B3GALT1: variants seen among roughly 807,000 people sequenced by gnomAD.
B3GALT1 encodes UDP-Gal:betaGlcNAc beta 1,3-galactosyltransferase, polypeptide 1.
In B3GALT1, 10 loss-of-function variants were observed where a neutral mutation model predicts 23.2. The ratio of observed to expected loss-of-function variants is 0.43; its 90% CI spans 0.27 to 0.73. The LOEUF (loss-of-function observed/expected upper bound fraction) is 0.73. Among genes scored for constraint, B3GALT1 ranks in the 30% least tolerant of loss-of-function variants. The probability of loss-of-function intolerance (pLI) is 0.21; values close to 1 mark genes in which losing one functional copy is unlikely to be tolerated. For missense variants in B3GALT1, 299 were observed against 405.4 expected (o/e 0.74, Z 2.25); for synonymous variants, 156 against 141.5 (o/e 1.10, Z -0.73).
intron 4 of B3GALT1, among the ~76,000 whole-genome samples, chr2:167,826,365 G>A (rs1689225695): frequency 6.6e-6 from 1 of 152,190 alleles, no homozygotes; most frequent in Admixed American, 6.5e-5. Context: ...TTTGGTCCCT[G>A]ATCTCTCTTG....
At chr2:167,567,262 G>A (rs190784737) in intron 2 of B3GALT1, among the ~76,000 whole-genome samples, 83 of 152,262 alleles carry the variant, frequency 5.5e-4, no homozygotes, top group Admixed American at 7.8e-4. Flanking sequence ...TAATCTGCAA[G>A]AATGTAGATG....
intron 4 of B3GALT1, among the ~76,000 whole-genome samples, chr2:167,853,812 T>C (rs1427356350): frequency 1.3e-5 from 2 of 152,092 alleles, no homozygotes; most frequent in Non-Finnish European, 2.9e-5. Context: ...GTGGCCTACT[T>C]TAAAATGAAG....
At chr2:167,434,645 A>G (rs1306211579) in intron 1 of B3GALT1, among the ~76,000 whole-genome samples, 1 of 151,708 alleles carries the variant, frequency 6.6e-6, no homozygotes, top group Non-Finnish European at 1.5e-5. Context: ...TCAAATCAGC[A>G]TTCCAAATGT....
chr2:167,520,707 T>C (rs556929275), intron 2 of B3GALT1, among the ~76,000 whole-genome samples: 88 of 152,332 alleles, frequency 5.8e-4, no homozygotes, highest in Non-Finnish European at 9.6e-4. Context: ...AGGATCATAC[T>C]GGTAAAGCTA....
At chr2:167,793,190 G>A (rs1024960411) in intron 3 of B3GALT1, among the ~76,000 whole-genome samples, 1 of 152,134 alleles carries the variant, frequency 6.6e-6, no homozygotes, top group Non-Finnish European at 1.5e-5. Context: ...CGCAGGCACA[G>A]GATAGTGCCC....
At position 167,807,990 on chromosome 2, in the gene B3GALT1, A is replaced by T. The variant is rs551950058; in HGVS notation, c.-351-10682A>T. On this transcript the variant is annotated intron_variant, in intron 3 of 4. Coordinates refer to ENST00000392690, the MANE Select transcript of B3GALT1 (RefSeq NM_020981.4). The stretch of plus-strand genomic sequence containing the variant: ...GCTTTATGAATCTGGGTGCTCCTGT[A>T]TTGGGTGCATATATATTTAGGATAG... Among the ~76,000 whole-genome samples the T allele has an allele frequency of 7.2e-5, 11 of 152,188 alleles. No homozygotes were observed. In the South Asian group the frequency reaches 2.3e-3, roughly 32 times the overall value.
chr2:167,584,375 C>G (rs1185129720), intron 2 of B3GALT1, among the ~76,000 whole-genome samples: 1 of 152,154 alleles, frequency 6.6e-6, no homozygotes, highest in Non-Finnish European at 1.5e-5. Flanking sequence ...GTTTTTCCCA[C>G]TATGCTCTGA....
In B3GALT1 at chr2:167,869,197, T is replaced by C. The variant is rs756386918; in HGVS notation, c.158T>C (p.Ile53Thr). Reference sequence around the variant, plus strand: ...AGGAAAAACTTCACCTTTGGCAACATAAGAACTCGACCTATCAACCCACAT... The same window carrying C: ...AGGAAAAACTTCACCTTTGGCAACACAAGAACTCGACCTATCAACCCACAT... ...VARKNFTFGN[I>T]RTRPINPHSF... Residue 53 changes from isoleucine (I) to threonine (T), a missense_variant, in exon 5 of 5, where the codon ATA becomes ACA. Transcript: ENST00000392690. The surrounding 1 kb of genome is among the most constrained non-coding windows in gnomAD (Gnocchi z 6.4). 2.5e-6 allele frequency: 4 copies of C among 1,614,210 alleles called. No homozygotes were observed. The highest frequency in any genetic ancestry group is 3.4e-6 in the Non-Finnish European group (4 of 1,180,032).
At chr2:167,713,968 A>G (rs190437607) in intron 3 of B3GALT1, 57 of 1,559,030 alleles carry the variant, frequency 3.7e-5, no homozygotes, top group East Asian at 6.7e-5. Flanking sequence ...ACAATGGACC[A>G]CTGATTGCAG....
At chr2:167,455,162 G>A (rs1226809080) in intron 1 of B3GALT1, among the ~76,000 whole-genome samples, 2 of 152,124 alleles carry the variant, frequency 1.3e-5, no homozygotes, top group Admixed American at 1.3e-4. Context: ...TATGTCCCAT[G>A]ATTTTCCTAG....
intron 1 of B3GALT1, among the ~76,000 whole-genome samples, chr2:167,468,544 A>G (rs771935843): frequency 1.1e-4 from 16 of 152,214 alleles, no homozygotes; most frequent in Non-Finnish European, 1.9e-4. Context: ...GAATTTTTCC[A>G]ACTTGACAAA....
At chr2:167,703,010 C>A (rs1558953528) in intron 3 of B3GALT1, among the ~76,000 whole-genome samples, 1 of 152,162 alleles carries the variant, frequency 6.6e-6, no homozygotes, top group African/African-American at 2.4e-5. Flanking sequence ...CATACTTGAT[C>A]CTGTCTATTT....
chr2:167,490,410 A>G (rs1051557717), intron 2 of B3GALT1, 133 bp downstream of exon 2: 1 of 152,248 alleles, frequency 6.6e-6, no homozygotes, highest in African/African-American at 2.4e-5. Context: ...TTCATGCTTT[A>G]TACCTTTCAT....
chr2:167,623,043 C>T (rs1685285619), intron 2 of B3GALT1, among the ~76,000 whole-genome samples: 1 of 151,956 alleles, frequency 6.6e-6, no homozygotes, highest in South Asian at 2.1e-4. Context: ...TTTGAAAATA[C>T]ATAGTCATGT....
chr2:167,596,744 C>T (rs1026404429), intron 2 of B3GALT1, among the ~76,000 whole-genome samples: 1 of 152,034 alleles, frequency 6.6e-6, no homozygotes, highest in African/African-American at 2.4e-5. Context: ...GTGCCCACAG[C>T]AGTTGAATAA....
chr2:167,441,526 C>A (rs13427410), intron 1 of B3GALT1, among the ~76,000 whole-genome samples: 11 of 152,138 alleles, frequency 7.2e-5, no homozygotes, highest in African/African-American at 2.7e-4. Context: ...TATATGGTTT[C>A]TCCACCAATG....
At chr2:167,676,010 CCTGGTTCTCCACAT>C (rs1686418020) in intron 3 of B3GALT1, among the ~76,000 whole-genome samples, 1 of 151,892 alleles carries the variant, frequency 6.6e-6, no homozygotes, top group Non-Finnish European at 1.5e-5. Context: ...GAGAGCCACA[CCTGGTTCTCCACAT>C]GGCACAGGAT....
Position 167,475,284 on chromosome 2 carries a change from G to A in B3GALT1, c.-510-14893G>A, listed in dbSNP as rs573755649. ...TGGAGACACTCCCCACCCCTAAGTC[G>A]CTTAGTAGCCCTCTCCATTATCAGT... On this transcript the variant is annotated intron_variant, in intron 1 of 4. Transcript: ENST00000392690. Among the ~76,000 whole-genome samples the A allele has an allele frequency of 9.2e-5, 14 of 152,114 alleles. 1 individual carries two copies. The East Asian group carries it at 2.3e-3, about 25-fold the overall frequency.
At chr2:167,473,452 G>T (rs1380999566) in intron 1 of B3GALT1, among the ~76,000 whole-genome samples, 1 of 152,088 alleles carries the variant, frequency 6.6e-6, no homozygotes, top group Non-Finnish European at 1.5e-5. Context: ...AAGTAAACAT[G>T]TTAACGATAC....
Sources: gnomAD v4.1 joint callset for allele counts (sites outside exome capture counted in the v4.1 genomes callset) on GRCh38, gnomAD v4.1.1 for gene constraint, Gnocchi (gnomAD v3.1) non-coding constraint, MANE v1.5 for transcripts, NCBI Gene and HGNC (gene_info 2026-07-23, HGNC 2026-07-21) for gene names.